The following RBKS variants were observed in gnomAD, a reference collection of about 807,000 sequenced individuals.
RBKS encodes the protein ribokinase.
A neutral mutation model predicts 33.9 loss-of-function variants in RBKS; 33 were observed. That is an observed-to-expected ratio of 0.97 (90% CI 0.74 to 1.30). RBKS has a LOEUF of 1.30. Ranked by LOEUF, RBKS falls within the 50% of genes most tolerant of loss-of-function variation. The pLI is 0.00. For missense variants in RBKS, 361 were observed against 392.6 expected, an observed-to-expected ratio of 0.92 and a Z score of 0.68; for synonymous variants, 125 against 143.0, an observed-to-expected ratio of 0.87 and a Z score of 0.90.
At chr2:27,782,701 T>C in intron 7 of RBKS, 1 of 410,664 alleles carries the variant, frequency 2.4e-6, no homozygotes, top group Non-Finnish European at 5.4e-6. Context: ...TAAGGTAGTC[T>C]TTGCCAAGTT....
At chr2:27,811,545 G>C (rs1677985338) in intron 7 of RBKS, among the ~76,000 whole-genome samples, 1 of 152,174 alleles carries the variant, frequency 6.6e-6, no homozygotes, top group Non-Finnish European at 1.5e-5. Context: ...ATGAAAGGCA[G>C]CCTGAGGACC....
chr2:27,791,643 C>CAAAATA (rs1553374280), intron 7 of RBKS, among the ~76,000 whole-genome samples: 1 of 123,094 alleles, frequency 8.1e-6, no homozygotes, highest in Non-Finnish European at 1.7e-5. Flanking sequence ...CACACACACA[C>CAAAATA]TAAATATACA....
intron 7 of RBKS, among the ~76,000 whole-genome samples, chr2:27,822,594 T>C (rs976044843): frequency 3.3e-5 from 5 of 152,220 alleles, no homozygotes; most frequent in Non-Finnish European, 5.9e-5. Context: ...GTGCAAACTT[T>C]AACAGAAATT....
At chr2:27,787,972 G>A (rs1343280684) in intron 7 of RBKS, among the ~76,000 whole-genome samples, 1 of 152,106 alleles carries the variant, frequency 6.6e-6, no homozygotes, top group African/African-American at 2.4e-5. Context: ...GTGTAATTCA[G>A]TAATATTAAA....
intron 7 of RBKS, among the ~76,000 whole-genome samples, chr2:27,813,150 G>A (rs1678024589): frequency 6.6e-6 from 1 of 151,998 alleles, no homozygotes; most frequent in Admixed American, 6.6e-5. Flanking sequence ...GCAGGCAGAA[G>A]CAAAGGCAAA....
intron 4 of RBKS, 32 bp downstream of exon 4, chr2:27,847,010 T>C (rs1301871543): frequency 4.8e-6 from 7 of 1,467,556 alleles, no homozygotes; most frequent in Non-Finnish European, 4.8e-6. Context: ...CACTGTCTTA[T>C]GAAATGACAC....
chr2:27,842,089 G>A (rs1381995759), intron 5 of RBKS, among the ~76,000 whole-genome samples: 5 of 152,122 alleles, frequency 3.3e-5, no homozygotes, highest in Non-Finnish European at 7.3e-5. Context: ...TACTGAAAAG[G>A]CTCAGACAAA....
chr2:27,851,496 G>A (rs1183717933), intron 2 of RBKS, among the ~76,000 whole-genome samples: 1 of 151,222 alleles, frequency 6.6e-6, no homozygotes, highest in African/African-American at 2.4e-5. Context: ...ATTTTCCTTG[G>A]ACCCATCTTG....
chr2:27,808,851 C>T (rs572707643), intron 7 of RBKS, among the ~76,000 whole-genome samples: 27 of 152,358 alleles, frequency 1.8e-4, no homozygotes, highest in East Asian at 1.2e-3. Flanking sequence ...ATTCCACCCT[C>T]GGCCCAAGCC....
At chr2:27,828,611 C>A (rs1558543380) in intron 6 of RBKS, among the ~76,000 whole-genome samples, 1 of 152,168 alleles carries the variant, frequency 6.6e-6, no homozygotes, top group Non-Finnish European at 1.5e-5. Context: ...CTGTGACCTT[C>A]CCCACACCAA....
At chr2:27,820,914 C>T (rs1295339174) in intron 7 of RBKS, among the ~76,000 whole-genome samples, 2 of 151,844 alleles carry the variant, frequency 1.3e-5, no homozygotes, top group African/African-American at 2.4e-5. Context: ...GTGGCGCATG[C>T]CTGTAATCCC....
intron 5 of RBKS, among the ~76,000 whole-genome samples, chr2:27,840,354 A>ACACACACACACC (rs1420115688): frequency 9.2e-6 from 1 of 108,328 alleles, no homozygotes; most frequent in Non-Finnish European, 2.0e-5. Flanking sequence ...ACACACACAC[A>ACACACACACACC]CGCGCGCGCG....
chr2:27,890,231 G>C lies in RBKS; in HGVS notation c.89+26C>G, dbSNP rs372982880. 59 of 1,608,682 alleles carry C rather than the reference G, an allele frequency of 3.7e-5. No individual in the cohort carries two copies. The highest frequency in any genetic ancestry group is 4.8e-5 in the Non-Finnish European group (57 of 1,176,640). ...GGCACGCCTCCTCCCCCGAGCCGCA[G>C]ACTGAGTAACTGGCCCCGGACTAAC... On this transcript the variant is annotated intron_variant, in intron 1 of 7. Transcript: ENST00000302188. This position sits in a 1 kb window ranked among gnomAD's most constrained non-coding sequence, Gnocchi z 4.8.
Position 27,839,306 on chromosome 2 carries a change from A to G in RBKS, c.514+3761T>C, listed in dbSNP as rs565912432. On this transcript the variant is annotated intron_variant, in intron 5 of 7. Coordinates refer to ENST00000302188, the MANE Select transcript of RBKS (RefSeq NM_022128.3). ...TAACTTTGGCAATTTTACAATCTCA[A>G]TTATTTATAATTGTTTATGTACTGT... 2.6e-5 allele frequency among the ~76,000 whole-genome samples: 4 copies of G among 152,306 alleles called. No homozygotes were observed. In the South Asian group the frequency reaches 8.3e-4, roughly 32 times the overall value.
chr2:27,849,921 C>T (rs894547883), intron 2 of RBKS, among the ~76,000 whole-genome samples: 5 of 152,170 alleles, frequency 3.3e-5, no homozygotes, highest in African/African-American at 1.2e-4. Context: ...GGCATCTTAT[C>T]GACATCTCCC....
chr2:27,824,481 G>A (rs572052391), intron 7 of RBKS, among the ~76,000 whole-genome samples: 1 of 152,244 alleles, frequency 6.6e-6, no homozygotes, highest in East Asian at 1.9e-4. Context: ...CATATAATAT[G>A]TTAACACTTT....
chr2:27,861,838 A>G (rs1456820862), intron 1 of RBKS, among the ~76,000 whole-genome samples: 1 of 151,588 alleles, frequency 6.6e-6, no homozygotes, highest in Non-Finnish European at 1.5e-5. Flanking sequence ...TATTTTTAGT[A>G]GAGATAGGGT....
At chr2:27,830,733 C>T (rs1678401638) in intron 6 of RBKS, among the ~76,000 whole-genome samples, 1 of 152,134 alleles carries the variant, frequency 6.6e-6, no homozygotes, top group African/African-American at 2.4e-5. Context: ...CTGTATTAAC[C>T]TATATCATAT....
rs1442964499 is a variant in RBKS at position 27,837,280 on chromosome 2, CAAAA to C, written c.515-4507_515-4504del. ...TAGAGCGAGACTCCATCTCAAAAAACAAAACAAAACAAAACGAAACAAAAAACAA... is the reference window on the plus strand; with the variant it reads ...TAGAGCGAGACTCCATCTCAAAAAACCAAAACAAAACGAAACAAAAAACAA... On this transcript the variant is annotated intron_variant, in intron 5 of 7. Coordinates refer to ENST00000302188, the MANE Select transcript of RBKS (RefSeq NM_022128.3). This position sits in a 1 kb window ranked among gnomAD's most constrained non-coding sequence, Gnocchi z 4.0. Among the ~76,000 whole-genome samples, 1 of 150,600 alleles carries C rather than the reference CAAAA, an allele frequency of 6.6e-6. No homozygotes were observed. The highest frequency in any genetic ancestry group is 6.6e-5 in the Admixed American group (1 of 15,198).
Sources: gnomAD v4.1 joint callset for allele counts (sites outside exome capture counted in the v4.1 genomes callset) on GRCh38, gnomAD v4.1.1 for gene constraint, Gnocchi (gnomAD v3.1) non-coding constraint, MANE v1.5 for transcripts, NCBI Gene and HGNC (gene_info 2026-07-23, HGNC 2026-07-21) for gene names.